Variants in PLCG2 observed in about 807,000 individuals in gnomAD.
PLCG2 encodes 1-phosphatidylinositol 4,5-bisphosphate phosphodiesterase gamma-2.
A neutral mutation model predicts 175.6 loss-of-function variants in PLCG2; 69 were observed. The observed-to-expected ratio is 0.39, with a 90% CI of 0.32 to 0.48. The LOEUF is 0.48. PLCG2 is among the 20% of genes least tolerant of loss of function. PLCG2 has a pLI of 0.91. For missense variants in PLCG2, 1,798 were observed against 1,650.9 expected (o/e 1.09, Z -1.54); for synonymous variants, 827 against 624.0 (o/e 1.33, Z -4.85).
chr16:81,899,270 G>GTATATA (rs369588165), intron 13 of PLCG2, among the ~76,000 whole-genome samples: 64 of 147,714 alleles, frequency 4.3e-4, no homozygotes, highest in African/African-American at 1.5e-3. Context: ...GAGTATGTGT[G>GTATATA]TATATATATA....
chr16:81,925,891 A>AGAAG (rs1555521146), intron 22 of PLCG2, among the ~76,000 whole-genome samples: 1 of 74,310 alleles, frequency 1.3e-5, no homozygotes, highest in Non-Finnish European at 2.9e-5. Context: ...GTCTCAAAAA[A>AGAAG]AAAAAAAAAA....
chr16:81,876,016 C>CTTTTTCT (rs1907765307), intron 7 of PLCG2, among the ~76,000 whole-genome samples: 1 of 114,994 alleles, frequency 8.7e-6, no homozygotes, highest in African/African-American at 3.2e-5. Context: ...CTTTTTCTTT[C>CTTTTTCT]TTTTTTTTTT....
Position 81,946,217 on chromosome 16 carries a change from T to C in PLCG2, c.3524T>C (p.Ile1175Thr), listed in dbSNP as rs1265110994. ...VPLKNGYSED[I>T]ELASLLVFCE... ...CTGAAGAATGGGTACAGCGAGGACA[T>C]AGAGCTGGCTTCCCTCCTGGTTTTC... The change falls in exon 31 of 33, where the codon ATA becomes ACA. Residue 1175 changes from isoleucine (I) to threonine (T), a missense_variant. Transcript: ENST00000564138. 1.4e-5 allele frequency: 22 copies of C among 1,613,864 alleles called. No homozygotes were observed. Among genetic ancestry groups the C allele is most frequent in the Non-Finnish European group, 1.8e-5 (21 of 1,179,872 alleles).
chr16:81,809,313 G>C (rs1904298293), intron 2 of PLCG2, among the ~76,000 whole-genome samples: 2 of 152,108 alleles, frequency 1.3e-5, no homozygotes, highest in African/African-American at 4.8e-5. Flanking sequence ...TCCAGGGGTG[G>C]CATGGCTGGG....
At chr16:81,794,820 T>C (rs983040009) in intron 2 of PLCG2, among the ~76,000 whole-genome samples, 1 of 152,212 alleles carries the variant, frequency 6.6e-6, no homozygotes. Flanking sequence ...TACTACATTT[T>C]CCATTTATAT....
intron 11 of PLCG2, among the ~76,000 whole-genome samples, chr16:81,892,118 A>G (rs1908665404): frequency 6.6e-6 from 1 of 152,202 alleles, no homozygotes; most frequent in Non-Finnish European, 1.5e-5. Flanking sequence ...TTTCAGACAG[A>G]GGAGCAGCAT....
Position 81,907,697 on chromosome 16 carries a change from C to A in PLCG2, c.1480C>A (p.His494Asn). 1 of 1,613,264 alleles carries A rather than the reference C, an allele frequency of 6.2e-7. No individual in the cohort carries two copies. The highest frequency in any genetic ancestry group is 1.1e-5 in the South Asian group (1 of 91,064). The change falls in exon 16 of 33, where the codon CAC (histidine) becomes AAC (asparagine). Residue 494 changes from histidine (H) to asparagine (N), a missense_variant. His to Asn is a moderately conservative substitution (Grantham distance 68). Transcript: ENST00000564138. ...WDSIDQKWTRHYCAIADAKLS... is the reference protein window; with the variant it reads ...WDSIDQKWTRNYCAIADAKLS... ...TTTCACTTTCTAGAAATGGACTCGG[C>A]ACTACTGCGCCATTGCCGATGCCAA...
At chr16:81,784,412 G>C (rs866825131) in intron 1 of PLCG2, among the ~76,000 whole-genome samples, 3 of 152,222 alleles carry the variant, frequency 2.0e-5, no homozygotes, top group Non-Finnish European at 2.9e-5. Context: ...TTACAGATGA[G>C]GGAACCGAGC....
chr16:81,859,801 C>G (rs1235339727), intron 5 of PLCG2, among the ~76,000 whole-genome samples: 3 of 152,030 alleles, frequency 2.0e-5, no homozygotes, highest in Non-Finnish European at 2.9e-5. Context: ...CTCCCAAAGT[C>G]CTGGGATTAC....
At chr16:81,847,174 A>G (rs1906164944) in intron 2 of PLCG2, among the ~76,000 whole-genome samples, 1 of 152,228 alleles carries the variant, frequency 6.6e-6, no homozygotes, top group Admixed American at 6.5e-5. Context: ...GGAAACATGT[A>G]TACCAGTTTA....
intron 2 of PLCG2, among the ~76,000 whole-genome samples, chr16:81,790,295 C>T (rs1911173045): frequency 6.6e-6 from 1 of 152,158 alleles, no homozygotes; most frequent in Non-Finnish European, 1.5e-5. Context: ...GGTCCATTCT[C>T]AGGTTTTCAG....
intron 2 of PLCG2, among the ~76,000 whole-genome samples, chr16:81,839,416 C>A (rs1263812122): frequency 6.6e-6 from 1 of 151,958 alleles, no homozygotes; most frequent in Non-Finnish European, 1.5e-5. Flanking sequence ...TTTTGATACA[C>A]AGTACTGGTT....
Position 81,946,377 on chromosome 16 carries a change from C to A in PLCG2, c.3570+114C>A. The A allele has an allele frequency of 1.5e-5, 11 of 756,040 alleles. No homozygotes were observed. In the South Asian group the frequency reaches 1.5e-4, roughly 10 times the overall value. 46.8% of individuals were successfully genotyped at this position (756,040 alleles called of 1,614,324 possible). ...CTTAAGCCCATTCAGAATTGTCTAG[C>A]CCAAGCATGAGACATCATACAAGAA... On this transcript the variant is annotated intron_variant, in intron 31 of 32. Coordinates refer to ENST00000564138, the MANE Select transcript of PLCG2 (RefSeq NM_002661.5).
chr16:81,937,509 A>C (rs1448375556), intron 27 of PLCG2: 1 of 379,848 alleles, frequency 2.6e-6, no homozygotes, highest in Non-Finnish European at 4.7e-6. Context: ...CTACATAGAC[A>C]CTTTTAGCAA....
At position 81,905,493 on chromosome 16, in the gene PLCG2, G is replaced by T. The variant is rs771454800; in HGVS notation, c.1453G>T (p.Asp485Tyr). The T allele has an allele frequency of 1.2e-6, 2 of 1,613,768 alleles. No individual in the cohort carries two copies. Among genetic ancestry groups the T allele is most frequent in the African/African-American group, 1.3e-5 (1 of 75,046 alleles). The part of the protein sequence containing the change: ...HKQQGELYMW[D>Y]SIDQKWTRHY... ...GCAACAGGGGGAGCTGTACATGTGG[G>T]ATTCCATTGACCAGGTGGGCCTTGG... Residue 485 changes from aspartate (D) to tyrosine (Y), a missense_variant, in exon 15 of 33, where the codon GAT becomes TAT. Coordinates refer to ENST00000564138, the MANE Select transcript of PLCG2 (RefSeq NM_002661.5).
intron 24 of PLCG2, among the ~76,000 whole-genome samples, chr16:81,930,339 G>A (rs374736333): frequency 1.3e-5 from 2 of 151,996 alleles, no homozygotes; most frequent in Admixed American, 6.5e-5. Flanking sequence ...GAGAACCCAC[G>A]CCACATTTCT....
chr16:81,951,448 TTAGA>T (rs758305124), intron 31 of PLCG2, among the ~76,000 whole-genome samples: 1 of 152,208 alleles, frequency 6.6e-6, no homozygotes, highest in Non-Finnish European at 1.5e-5. Context: ...AAAACACCTA[TTAGA>T]TAAAACAGGT....
At chr16:81,886,800 C>T (rs922386298) in intron 9 of PLCG2, among the ~76,000 whole-genome samples, 7 of 152,148 alleles carry the variant, frequency 4.6e-5, no homozygotes, top group African/African-American at 9.7e-5. Context: ...GATGAGACAC[C>T]GTGTGGGGCC....
intron 11 of PLCG2, among the ~76,000 whole-genome samples, chr16:81,892,842 A>G (rs1908699560): frequency 7.6e-6 from 1 of 131,306 alleles, no homozygotes; most frequent in Non-Finnish European, 1.6e-5. Flanking sequence ...TGTGAGGAAC[A>G]TAAACTTTTT....
Sources: allele counts gnomAD v4.1 joint callset (sites outside exome capture counted in the v4.1 genomes callset), GRCh38; gene constraint gnomAD v4.1.1; transcripts MANE v1.5; gene names NCBI Gene and HGNC (gene_info 2026-07-23, HGNC 2026-07-21).